Variants in NCKAP5 observed in about 807,000 individuals in gnomAD.
NCKAP5 encodes NCK associated protein 5.
NCKAP5 carries 92 observed loss-of-function variants against 167.0 expected under a neutral mutation model. That is an observed-to-expected ratio of 0.55 (90% CI 0.47 to 0.66). NCKAP5 has a LOEUF of 0.66. Ranked by LOEUF, NCKAP5 falls within the 30% of genes least tolerant of loss-of-function variation. NCKAP5 has a pLI of 0.00. For synonymous variants in NCKAP5, 891 were observed against 877.4 expected (o/e 1.02, Z -0.27); for missense variants, 2,378 against 2,315.0 (o/e 1.03, Z -0.56).
At chr2:133,465,573 G>C (rs943031524) in intron 3 of NCKAP5, among the ~76,000 whole-genome samples, 3 of 152,158 alleles carry the variant, frequency 2.0e-5, no homozygotes, top group Non-Finnish European at 4.4e-5. Flanking sequence ...AGATCCCTGA[G>C]GAATTGCCAT....
chr2:133,006,288 C>T (rs1036116754), intron 6 of NCKAP5, among the ~76,000 whole-genome samples: 1 of 151,856 alleles, frequency 6.6e-6, no homozygotes, highest in African/African-American at 2.4e-5. Flanking sequence ...CAGAAACAAA[C>T]AAACAAACAA....
intron 2 of NCKAP5, among the ~76,000 whole-genome samples, chr2:133,538,945 T>G (rs1445786159): frequency 7.3e-6 from 1 of 137,182 alleles, no homozygotes; most frequent in Admixed American, 7.2e-5. Context: ...TTTTTTTTTT[T>G]TTTTTTTTTT....
intron 3 of NCKAP5, among the ~76,000 whole-genome samples, chr2:133,505,884 G>A (rs1046356222): frequency 4.6e-5 from 7 of 152,308 alleles, no homozygotes; most frequent in Middle Eastern, 3.4e-3. Flanking sequence ...CACCGCTCTC[G>A]TCATAACAAT....
intron 16 of NCKAP5, among the ~76,000 whole-genome samples, chr2:132,756,692 G>A (rs1322277752): frequency 6.6e-6 from 1 of 152,156 alleles, no homozygotes; most frequent in African/African-American, 2.4e-5. Context: ...TTTGAGACCA[G>A]GAAAACATTT....
chr2:132,719,218 T>A (rs1436194349), intron 19 of NCKAP5, among the ~76,000 whole-genome samples: 1 of 152,064 alleles, frequency 6.6e-6, no homozygotes. Context: ...AAGACCGAGG[T>A]GGGCTTTGTG....
chr2:133,472,496 C>A (rs915890448), intron 3 of NCKAP5, among the ~76,000 whole-genome samples: 1 of 151,798 alleles, frequency 6.6e-6, no homozygotes, highest in Non-Finnish European at 1.5e-5. Flanking sequence ...TTTTAGGCTC[C>A]CCTCCACCAC....
At chr2:133,526,998 C>T (rs985777082) in intron 2 of NCKAP5, 1 of 152,004 alleles carries the variant, frequency 6.6e-6, no homozygotes, top group African/African-American at 2.4e-5. Context: ...AAAGCAAAAA[C>T]ATCCAAATAT....
At chr2:132,774,589 A>C (rs2104966084) in intron 15 of NCKAP5, among the ~76,000 whole-genome samples, 1 of 152,258 alleles carries the variant, frequency 6.6e-6, no homozygotes, top group Non-Finnish European at 1.5e-5. Flanking sequence ...AAGTTCCAGT[A>C]TTTTACAGAT....
At chr2:133,056,041 C>T (rs2079787546) in intron 6 of NCKAP5, among the ~76,000 whole-genome samples, 1 of 152,152 alleles carries the variant, frequency 6.6e-6, no homozygotes, top group Admixed American at 6.5e-5. Context: ...ATCTGTCCCT[C>T]CTCTCCCTAC....
intron 3 of NCKAP5, among the ~76,000 whole-genome samples, chr2:133,320,510 C>T (rs914304941): frequency 1.8e-4 from 28 of 152,102 alleles, no homozygotes; most frequent in African/African-American, 2.4e-5. Flanking sequence ...GGGCAGATCA[C>T]GAGGTCAGGA....
chr2:132,929,476 T>C (rs1366101269), intron 8 of NCKAP5, among the ~76,000 whole-genome samples: 2 of 152,234 alleles, frequency 1.3e-5, no homozygotes, highest in African/African-American at 2.4e-5. Context: ...AAATATACTG[T>C]TAAAATTGTT....
At chr2:133,547,242 C>G (rs977678902) in intron 2 of NCKAP5, among the ~76,000 whole-genome samples, 1 of 152,106 alleles carries the variant, frequency 6.6e-6, no homozygotes, top group African/African-American at 2.4e-5. Context: ...CACGGAGTCT[C>G]GCTGACTGCT....
At chr2:133,573,183 A>G (rs1688927374), upstream of NCKAP5, among the ~76,000 whole-genome samples, 1 of 152,100 alleles carries the variant, frequency 6.6e-6, no homozygotes, top group Non-Finnish European at 1.5e-5. Context: ...CTCTTACATA[A>G]ATCAAACAAA....
At chr2:133,178,301 C>T (rs1009900521) in intron 5 of NCKAP5, among the ~76,000 whole-genome samples, 63 of 150,964 alleles carry the variant, frequency 4.2e-4, no homozygotes, top group Admixed American at 1.3e-4. Flanking sequence ...GAGTTTGAGA[C>T]GACCCTGGCC....
intron 5 of NCKAP5, among the ~76,000 whole-genome samples, chr2:133,191,822 G>C (rs2085236440): frequency 6.6e-6 from 1 of 152,068 alleles, no homozygotes; most frequent in South Asian, 2.1e-4. Context: ...TAATGTAAAT[G>C]ATGAGTTCAT....
chr2:132,713,272 T>G (rs1689036711), intron 19 of NCKAP5, among the ~76,000 whole-genome samples: 1 of 152,166 alleles, frequency 6.6e-6, no homozygotes, highest in South Asian at 2.1e-4. Flanking sequence ...AGAAAAACTT[T>G]GAGAAGCTCT....
intron 19 of NCKAP5, among the ~76,000 whole-genome samples, chr2:132,692,130 T>C (rs1686810676): frequency 6.7e-6 from 1 of 149,566 alleles, no homozygotes; most frequent in Non-Finnish European, 1.5e-5. Flanking sequence ...TTTTATTTTA[T>C]TTTATTTTAT....
the NCKAP5 span, among the ~76,000 whole-genome samples, chr2:133,614,736 T>C: frequency 6.6e-6 from 1 of 152,038 alleles, no homozygotes. Flanking sequence ...CAGGATATTA[T>C]CCAGGAGAAC....
Position 133,345,235 on chromosome 2 carries a change from G to A in NCKAP5, c.70-42125C>T, listed in dbSNP as rs183844300. Among the ~76,000 whole-genome samples the A allele has an allele frequency of 1.5e-3, 228 of 152,150 alleles. 1 individual carries two copies. Among genetic ancestry groups the A allele is most frequent in the African/African-American group, 3.5e-3 (144 of 41,482 alleles). ...CCCCATTGTCTGGGAAGTGAGGAGC[G>A]CCTTTGCCCAGCTGCTGTGCAACCC... is the stretch of plus-strand genomic sequence containing the variant. On this transcript the variant is annotated intron_variant, in intron 3 of 19. Coordinates refer to ENST00000409261, the MANE Select transcript of NCKAP5 (RefSeq NM_207363.3).
Sources: allele counts gnomAD v4.1 joint callset (sites outside exome capture counted in the v4.1 genomes callset), GRCh38; gene constraint gnomAD v4.1.1; transcripts MANE v1.5; gene names NCBI Gene and HGNC (gene_info 2026-07-23, HGNC 2026-07-21).